The following ZNF267 variants were observed in gnomAD, a reference collection of about 807,000 sequenced individuals.
The protein encoded by ZNF267 is zinc finger (C2H2).
A neutral mutation model predicts 71.6 loss-of-function variants in ZNF267; 61 were observed. That is an observed-to-expected ratio of 0.85 (90% confidence interval 0.69 to 1.05). ZNF267 has a LOEUF of 1.05. Ranked by LOEUF, ZNF267 falls within the 50% of genes least tolerant of loss-of-function variation. The pLI is 0.00. For synonymous variants in ZNF267, 288 were observed against 293.2 expected, an observed-to-expected ratio of 0.98 and a Z score of 0.18; for missense variants, 852 against 870.0, an observed-to-expected ratio of 0.98 and a Z score of 0.26.
At chr16:31,890,538 A>C (rs946274248) in intron 3 of ZNF267, among the ~76,000 whole-genome samples, 1 of 152,248 alleles carries the variant, frequency 6.6e-6, no homozygotes, top group African/African-American at 2.4e-5. Context: ...AGTTTAAAAA[A>C]ATTCATTTAG....
intron 3 of ZNF267, among the ~76,000 whole-genome samples, chr16:31,902,529 T>G (rs2084050387): frequency 6.6e-6 from 1 of 152,088 alleles, no homozygotes; most frequent in East Asian, 1.9e-4. Context: ...GTTGGATTCC[T>G]AGGTATTTTA....
intron 3 of ZNF267, among the ~76,000 whole-genome samples, chr16:31,893,293 A>C (rs2083973993): frequency 1.3e-5 from 2 of 152,184 alleles, no homozygotes; most frequent in South Asian, 4.1e-4. Context: ...TGCAGGCAGC[A>C]TGGGGACCCT....
chr16:31,884,025 C>CGA (rs146066824), intron 1 of ZNF267, among the ~76,000 whole-genome samples: 2,025 of 152,242 alleles, frequency 0.013, 55 homozygotes, highest in African/African-American at 0.046. Context: ...GGTGGCAGAG[C>CGA]GAGACCCTGT....
chr16:31,873,870 T>A lies in ZNF267; in HGVS notation c.-97T>A. On this transcript the variant is annotated 5_prime_UTR_variant, in exon 1 of 4. Coordinates refer to ENST00000300870, the MANE Select transcript of ZNF267 (RefSeq NM_003414.6). ...TTCGTTCTGGGAGGCCCAGGCGGCT[T>A]CGCGTTCTGAGAATAAACAGAACCT... 6.4e-7 allele frequency: 1 copy of A among 1,563,664 alleles called. No homozygotes were observed. Among genetic ancestry groups the A allele is most frequent in the Non-Finnish European group, 8.8e-7 (1 of 1,134,900 alleles).
In ZNF267 at chr16:31,915,662, A is replaced by G; in HGVS notation, c.1413A>G (p.Lys471=). The G allele has an allele frequency of 6.2e-7, 1 of 1,613,932 alleles. No homozygotes were observed. Among genetic ancestry groups the G allele is most frequent in the Non-Finnish European group, 8.5e-7 (1 of 1,179,966 alleles). ...TTTACAAATGTAAAGTATGTAGCAA[A>G]TCTTATGCTCGTTCTTCAAATCTTA... ...EKLYKCKVCS[K]SYARSSNLIM... The change falls in exon 4 of 4, where the codon AAA becomes AAG. Residue 471 remains lysine, a synonymous_variant. Transcript: ENST00000300870.
intron 3 of ZNF267, among the ~76,000 whole-genome samples, chr16:31,896,186 A>T (rs146314893): frequency 1.5e-4 from 1 of 6,814 alleles, no homozygotes; most frequent in African/African-American, 1.5e-4. Flanking sequence ...AGTTTAAAAC[A>T]TTTTTTTTTA....
At chr16:31,909,280 C>G (rs572043109) in intron 3 of ZNF267, among the ~76,000 whole-genome samples, 27 of 151,760 alleles carry the variant, frequency 1.8e-4, no homozygotes, top group African/African-American at 6.5e-4. Context: ...TCCAGGCATG[C>G]GCCACCGTGC....
chr16:31,874,041 G>T lies in ZNF267; in HGVS notation c.3+72G>T, dbSNP rs371246621. The T allele has an allele frequency of 1.1e-5, 17 of 1,543,650 alleles. No homozygotes were observed. In the East Asian group the frequency reaches 1.6e-4, roughly 15 times the overall value. On this transcript the variant is annotated intron_variant, in intron 1 of 3. Transcript: ENST00000300870. ...TCGGAAGCGGCGGGAACCCGCTGTA[G>T]GGGCACCCGGGCCTCCCCGCAGTCA...
At chr16:31,911,531 T>C (rs1182250615) in intron 3 of ZNF267, among the ~76,000 whole-genome samples, 1 of 151,702 alleles carries the variant, frequency 6.6e-6, no homozygotes. Flanking sequence ...TCCATTCTTT[T>C]ATTTTTCAGT....
intron 3 of ZNF267, 65 bp downstream of exon 3, chr16:31,885,321 C>T (rs1031004595): frequency 3.6e-6 from 5 of 1,397,680 alleles, no homozygotes; most frequent in Admixed American, 2.5e-5. Context: ...AAGAACCAGA[C>T]CTTGAAGTGT....
chr16:31,879,987 G>A (rs955648620), intron 1 of ZNF267, among the ~76,000 whole-genome samples: 1 of 152,200 alleles, frequency 6.6e-6, no homozygotes, highest in African/African-American at 2.4e-5. Context: ...TCCAGGATGT[G>A]TGAGAGCAGC....
chr16:31,890,155 CTT>C (rs1004793599), intron 3 of ZNF267: 1 of 151,272 alleles, frequency 6.6e-6, no homozygotes, highest in African/African-American at 2.4e-5. Context: ...CAGGTGAACT[CTT>C]TTTTTTTATT....
chr16:31,878,201 GGA>G (rs2083865567), intron 1 of ZNF267, among the ~76,000 whole-genome samples: 2 of 152,170 alleles, frequency 1.3e-5, no homozygotes, highest in South Asian at 4.1e-4. Context: ...GGCCTGGGCT[GGA>G]GAGAGACTCC....
At position 31,901,536 on chromosome 16, in the gene ZNF267, C is replaced by G. The variant is rs534587382; in HGVS notation, c.227-12940C>G. Among the ~76,000 whole-genome samples, 3 of 152,278 alleles carry G rather than the reference C, an allele frequency of 2.0e-5. No individual in the cohort carries two copies. In the South Asian group the frequency reaches 6.2e-4, roughly 32 times the overall value. Reference sequence around the variant, plus strand: ...CTCATTGTGGTTTTGATTTGCATTTCTCTGATGGCCAGTGATGATGAGCAT... The same window carrying G: ...CTCATTGTGGTTTTGATTTGCATTTGTCTGATGGCCAGTGATGATGAGCAT... On this transcript the variant is annotated intron_variant, in intron 3 of 3. Transcript: ENST00000300870.
intron 2 of ZNF267, among the ~76,000 whole-genome samples, 181 bp downstream of exon 2, chr16:31,884,805 TA>T (rs960012293): frequency 6.6e-6 from 1 of 152,242 alleles, no homozygotes; most frequent in African/African-American, 2.4e-5. Flanking sequence ...TTCGCCTTTT[TA>T]TTTGAGGTGA....
intron 1 of ZNF267, chr16:31,875,218 C>T (rs1384528451): frequency 1.6e-6 from 2 of 1,289,056 alleles, no homozygotes; most frequent in African/African-American, 3.0e-5. Context: ...TCTGGGATGA[C>T]TCAAGATGCC....
chr16:31,915,588 C>A lies in ZNF267; in HGVS notation c.1339C>A (p.Arg447Ser). 6.2e-7 allele frequency: 1 copy of A among 1,612,944 alleles called. No homozygotes were observed. The highest frequency in any genetic ancestry group is 8.5e-7 in the Non-Finnish European group (1 of 1,179,776). The change falls in exon 4 of 4, where the codon CGT (arginine) becomes AGT (serine). Residue 447 changes from arginine to serine, a missense_variant. Transcript: ENST00000300870. ...KCKECGKAFN[R>S]SSCLTQHQTT... is the part of the protein sequence containing the mutation. ...TAAAGAATGTGGAAAAGCTTTTAAC[C>A]GTAGTTCATGCCTTACTCAACATCA...
Position 31,883,233 on chromosome 16 carries a change from A to G in ZNF267, c.4-1265A>G, listed in dbSNP as rs183713609. Among the ~76,000 whole-genome samples the G allele has an allele frequency of 7.2e-5, 11 of 152,242 alleles. No individual in the cohort carries two copies. The East Asian group carries it at 1.7e-3, about 24-fold the overall frequency. On this transcript the variant is annotated intron_variant, in intron 1 of 3. Coordinates refer to ENST00000300870, the MANE Select transcript of ZNF267 (RefSeq NM_003414.6). ...ACAAAAACTTGAAAAAAAATACCAG[A>G]CTCAGAAACAAGAGCCTTTACTTTA...
At position 31,915,130 on chromosome 16, in the gene ZNF267, C is replaced by T. The variant is rs752481682; in HGVS notation, c.881C>T (p.Ser294Leu). 2 of 1,613,312 alleles carry T rather than the reference C, an allele frequency of 1.2e-6. No homozygotes were observed. The highest frequency in any genetic ancestry group is 2.7e-5 in the African/African-American group (2 of 74,976). The change falls in exon 4 of 4, where the codon TCA becomes TTA. Residue 294 changes from serine (S) to leucine (L), a missense_variant. By Grantham distance (145) the Ser-to-Leu change is moderately radical (BLOSUM62 -2). Coordinates refer to ENST00000300870, the MANE Select transcript of ZNF267 (RefSeq NM_003414.6). ...QHQTIHIRENSYSYNKYDKDL... is the reference protein window; with the variant it reads ...QHQTIHIRENLYSYNKYDKDL... ...CAGACCATCCATATCAGAGAAAACTCATATAGCTATAACAAATATGATAAA... is the reference window on the plus strand; with the variant it reads ...CAGACCATCCATATCAGAGAAAACTTATATAGCTATAACAAATATGATAAA...
Sources: allele counts gnomAD v4.1 joint callset (sites outside exome capture counted in the v4.1 genomes callset), GRCh38; gene constraint gnomAD v4.1.1; transcripts MANE v1.5; gene names NCBI Gene and HGNC (gene_info 2026-07-23, HGNC 2026-07-21).